ADA: variants seen among roughly 807,000 people sequenced by gnomAD.
ADA encodes the protein adenosine aminohydrolase.
In ADA, 45 loss-of-function variants were observed where a neutral mutation model predicts 49.0. The ratio of observed to expected loss-of-function variants is 0.92; its 90% CI spans 0.72 to 1.18. The LOEUF (loss-of-function observed/expected upper bound fraction) is 1.18, where lower values mean the gene tolerates loss of function less well. ADA is among the 50% of genes most tolerant of loss of function. ADA has a pLI of 0.00. For missense variants in ADA, 445 were observed against 472.5 expected (o/e 0.94, Z 0.54); for synonymous variants, 173 against 184.2 (o/e 0.94, Z 0.49).
intron 2 of ADA, among the ~76,000 whole-genome samples, chr20:44,631,978 G>A (rs914302963): frequency 1.3e-5 from 2 of 152,172 alleles, no homozygotes; most frequent in Non-Finnish European, 2.9e-5. Context: ...GCCCACACCA[G>A]AGACGGGCGC....
At chr20:44,648,457 T>A (rs570830169) in intron 1 of ADA, among the ~76,000 whole-genome samples, 2 of 152,172 alleles carry the variant, frequency 1.3e-5, no homozygotes, top group East Asian at 3.9e-4. Flanking sequence ...ACACTGACCA[T>A]ACAGGGGTAT....
chr20:44,624,153 G>T, intron 6 of ADA, 49 bp downstream of exon 6: 1 of 1,566,504 alleles, frequency 6.4e-7, no homozygotes, highest in Non-Finnish European at 8.7e-7. Context: ...ATGGGTGGGA[G>T]ACAAGCTCAC....
Position 44,619,829 on chromosome 20 carries a change from C to T in ADA, c.*5G>A, listed in dbSNP as rs374929795. 64 of 1,613,976 alleles carry T rather than the reference C, an allele frequency of 4.0e-5. No individual in the cohort carries two copies. The highest frequency in any genetic ancestry group is 1.1e-4 in the African/African-American group (8 of 74,914). On this transcript the variant is annotated 3_prime_UTR_variant, in exon 12 of 12. Coordinates refer to ENST00000372874, the MANE Select transcript of ADA (RefSeq NM_000022.4). ...ACAGGGTGAAGGCTTGGAGGAGTGGCGTCTTCAGAGGTTCTGCCCTGCTCG... is the reference window on the plus strand; with the variant it reads ...ACAGGGTGAAGGCTTGGAGGAGTGGTGTCTTCAGAGGTTCTGCCCTGCTCG...
Position 44,621,060 on chromosome 20 carries a change from G to C in ADA, c.933C>G (p.Thr311=). The change falls in exon 10 of 12, where the codon ACC becomes ACG. Residue 311 remains threonine (T), a synonymous_variant. Transcript: ENST00000372874. ...KSTLDTDYQM[T]KRDMGFTEEE... is the part of the protein sequence containing the mutation. ...CTTCAGTAAAGCCCATGTCCCGTTTGGTCATCTGGTAATCAGTGTCCAGGG... is the reference window on the plus strand; with the variant it reads ...CTTCAGTAAAGCCCATGTCCCGTTTCGTCATCTGGTAATCAGTGTCCAGGG... 3 of 1,614,108 alleles carry C rather than the reference G, an allele frequency of 1.9e-6. No individual in the cohort carries two copies. The highest frequency in any genetic ancestry group is 2.5e-6 in the Non-Finnish European group (3 of 1,180,032).
chr20:44,624,038 G>A (rs1441562032), intron 6 of ADA, 164 bp downstream of exon 6: 3 of 1,003,560 alleles, frequency 3.0e-6, no homozygotes, highest in African/African-American at 1.6e-5. Context: ...GAACCACCAC[G>A]CCTGGCCCAG....
At chr20:44,627,942 G>A (rs918815329) in intron 3 of ADA, among the ~76,000 whole-genome samples, 1 of 152,220 alleles carries the variant, frequency 6.6e-6, no homozygotes, top group African/African-American at 2.4e-5. Context: ...GTCAGTGCTT[G>A]GAGCAGAGCG....
intron 2 of ADA, among the ~76,000 whole-genome samples, chr20:44,630,054 C>T (rs1744505267): frequency 6.6e-6 from 1 of 151,516 alleles, no homozygotes; most frequent in Admixed American, 6.6e-5. Context: ...TTAAGAAATG[C>T]TTCTAGGCTG....
chr20:44,629,810 G>A (rs1183201268), intron 2 of ADA, among the ~76,000 whole-genome samples: 1 of 152,174 alleles, frequency 6.6e-6, no homozygotes, highest in Non-Finnish European at 1.5e-5. Context: ...CGCTCAGTAA[G>A]AGCGTGCTGG....
At chr20:44,633,259 A>C (rs978793878) in intron 2 of ADA, among the ~76,000 whole-genome samples, 2 of 152,202 alleles carry the variant, frequency 1.3e-5, no homozygotes, top group Non-Finnish European at 2.9e-5. Context: ...AGGGGTGCAC[A>C]GAGGAAGAAA....
intron 3 of ADA, among the ~76,000 whole-genome samples, chr20:44,627,021 G>C (rs1342061650): frequency 6.6e-6 from 1 of 151,862 alleles, no homozygotes; most frequent in African/African-American, 2.4e-5. Flanking sequence ...GGCCTTGCCA[G>C]CCTCCCCAGC....
chr20:44,629,226 A>G (rs1296456469), intron 2 of ADA, 57 bp from the exon 3 acceptor site: 2 of 1,612,674 alleles, frequency 1.2e-6, no homozygotes, highest in Non-Finnish European at 1.7e-6. Flanking sequence ...GGCAGGCCTG[A>G]CAGGCCAGGA....
intron 9 of ADA, among the ~76,000 whole-genome samples, chr20:44,621,660 T>C (rs180974267): frequency 6.6e-6 from 1 of 152,352 alleles, no homozygotes; most frequent in African/African-American, 2.4e-5. Context: ...CACTGTTGAC[T>C]GTTTCTTGAA....
chr20:44,645,257 C>T (rs1282963924), intron 1 of ADA, among the ~76,000 whole-genome samples: 1 of 150,588 alleles, frequency 6.6e-6, no homozygotes, highest in African/African-American at 2.5e-5. Context: ...ACTTGGGAGG[C>T]TGAGGCAGGA....
intron 1 of ADA, among the ~76,000 whole-genome samples, chr20:44,637,037 C>T (rs1273073842): frequency 6.6e-6 from 1 of 152,156 alleles, no homozygotes; most frequent in African/African-American, 2.4e-5. Context: ...AACTCCTGAC[C>T]TCAGGTGTCC....
chr20:44,621,237 C>G, intron 9 of ADA, 90 bp from the exon 10 acceptor site: 1 of 1,527,700 alleles, frequency 6.5e-7, no homozygotes, highest in South Asian at 1.1e-5. Flanking sequence ...CTTTGATCCT[C>G]ACAGCAGCCT....
At chr20:44,636,160 G>T in intron 2 of ADA, 67 bp downstream of exon 2, 1 of 1,379,766 alleles carries the variant, frequency 7.2e-7, no homozygotes, top group Non-Finnish European at 1.0e-6. Flanking sequence ...TTCCCCAGGG[G>T]CCTCTGGGTG....
chr20:44,625,596 T>C lies in ADA; in HGVS notation c.451A>G (p.Ile151Val), dbSNP rs1568845374. 6.3e-6 allele frequency: 10 copies of C among 1,588,470 alleles called. No homozygotes were observed. Among genetic ancestry groups the C allele is most frequent in the Non-Finnish European group, 8.6e-6 (10 of 1,167,600 alleles). ...GGCTGGTGGCGCATGCAGCACAGGA[T>C]GGACCGGGCCTTGACCCCGAAGTCT... ...ERDFGVKARS[I>V]LCCMRHQPNW... Residue 151 changes from isoleucine to valine, a missense_variant, in exon 5 of 12, where the codon ATC becomes GTC. Transcript: ENST00000372874.
intron 2 of ADA, 37 bp downstream of exon 2, chr20:44,636,190 A>G (rs1432505799): frequency 6.3e-7 from 1 of 1,577,018 alleles, no homozygotes; most frequent in Non-Finnish European, 8.7e-7. Flanking sequence ...ACCCCACTCA[A>G]ATCCCAGGGA....
chr20:44,639,886 G>C (rs2065515904), intron 1 of ADA, among the ~76,000 whole-genome samples: 1 of 152,102 alleles, frequency 6.6e-6, no homozygotes, highest in Non-Finnish European at 1.5e-5. Context: ...GGGAGGTAAG[G>C]AAAAGGCCTA....
Sources: gnomAD v4.1 joint callset for allele counts (sites outside exome capture counted in the v4.1 genomes callset) on GRCh38, gnomAD v4.1.1 for gene constraint, MANE v1.5 for transcripts, NCBI Gene and HGNC (gene_info 2026-07-23, HGNC 2026-07-21) for gene names.